Variants in NAALADL2 observed in about 807,000 individuals in gnomAD.
NAALADL2 encodes inactive N-acetylated-alpha-linked acidic dipeptidase-like protein 2.
In NAALADL2, 76 loss-of-function variants were observed where a neutral mutation model predicts 87.2. That is an observed-to-expected ratio of 0.87 (90% CI 0.72 to 1.05). The LOEUF (loss-of-function observed/expected upper bound fraction) is 1.05, where lower values mean the gene tolerates loss of function less well. NAALADL2 is among the 50% of genes least tolerant of loss of function. The pLI, the probability that NAALADL2 is intolerant of heterozygous loss-of-function variation, is 0.00. For missense variants in NAALADL2, 1,089 were observed against 945.8 expected (o/e 1.15, Z -1.99); for synonymous variants, 354 against 331.0 (o/e 1.07, Z -0.75).
intron 11 of NAALADL2, among the ~76,000 whole-genome samples, chr3:175,728,609 A>G (rs1032400327): frequency 6.6e-6 from 1 of 152,162 alleles, no homozygotes; most frequent in Non-Finnish European, 1.5e-5. Flanking sequence ...AATTTCTAGT[A>G]TAAAGTGACA....
chr3:174,582,065 C>T (rs1716222876), intron 2 of NAALADL2, among the ~76,000 whole-genome samples: 1 of 152,042 alleles, frequency 6.6e-6, no homozygotes, highest in Non-Finnish European at 1.5e-5. Context: ...GTAAGGCAAT[C>T]GAATCAGTAG....
chr3:175,067,400 AAAC>A (rs1364186170), intron 1 of NAALADL2, among the ~76,000 whole-genome samples: 4 of 152,138 alleles, frequency 2.6e-5, no homozygotes, highest in Non-Finnish European at 5.9e-5. Flanking sequence ...CTCAACAAGC[AAAC>A]AACAACAACA....
rs575214967 is a variant in NAALADL2 at position 175,282,357 on chromosome 3, A to G, written c.939+25827A>G. 8.5e-5 allele frequency among the ~76,000 whole-genome samples: 13 copies of G among 152,202 alleles called. 1 individual carries two copies. The South Asian group carries it at 1.2e-3, about 15-fold the overall frequency. ...TTCAATTCTTTGTCTGCTTTAAAGAACACTTAACAGACTACAGCTATATAG... is the reference window on the plus strand; with the variant it reads ...TTCAATTCTTTGTCTGCTTTAAAGAGCACTTAACAGACTACAGCTATATAG... On this transcript the variant is annotated intron_variant, in intron 4 of 13. Transcript: ENST00000454872.
chr3:175,646,652 T>G (rs1730049339), intron 11 of NAALADL2, among the ~76,000 whole-genome samples: 1 of 152,178 alleles, frequency 6.6e-6, no homozygotes, highest in South Asian at 2.1e-4. Flanking sequence ...ATGGTTACAG[T>G]AATATTAAGC....
intron 4 of NAALADL2, among the ~76,000 whole-genome samples, chr3:175,314,696 A>T (rs868315906): frequency 2.3e-5 from 2 of 87,848 alleles, no homozygotes; most frequent in African/African-American, 9.3e-5. Flanking sequence ...ATATATATAT[A>T]TATATATATA....
chr3:174,748,454 C>A (rs1349816633), intron 3 of NAALADL2, among the ~76,000 whole-genome samples: 1 of 151,792 alleles, frequency 6.6e-6, no homozygotes, highest in Non-Finnish European at 1.5e-5. Context: ...TTATTTTTAG[C>A]CTTGACCCCT....
chr3:175,143,133 A>G (rs979941172), intron 2 of NAALADL2, among the ~76,000 whole-genome samples: 3 of 151,908 alleles, frequency 2.0e-5, no homozygotes, highest in Non-Finnish European at 4.4e-5. Flanking sequence ...ACAAATCGTA[A>G]TACTTGCCAT....
intron 2 of NAALADL2, among the ~76,000 whole-genome samples, chr3:174,678,935 T>A (rs1340953945): frequency 6.6e-6 from 1 of 152,174 alleles, no homozygotes; most frequent in Non-Finnish European, 1.5e-5. Flanking sequence ...TTTATCTACT[T>A]TTCTCCTTGG....
chr3:175,542,936 A>G (rs1712632841), intron 9 of NAALADL2, among the ~76,000 whole-genome samples: 1 of 152,204 alleles, frequency 6.6e-6, no homozygotes, highest in South Asian at 2.1e-4. Flanking sequence ...GTAAATTCCT[A>G]TTAAAATTTT....
chr3:174,653,039 A>G (rs1018829583), intron 2 of NAALADL2, among the ~76,000 whole-genome samples: 2 of 152,234 alleles, frequency 1.3e-5, no homozygotes, highest in African/African-American at 4.8e-5. Context: ...TAATGATTAC[A>G]TAAAAAAGAC....
At chr3:175,574,867 A>G (rs114604676) in intron 9 of NAALADL2, among the ~76,000 whole-genome samples, 3,913 of 152,242 alleles carry the variant, frequency 0.026, 115 homozygotes, top group Admixed American at 0.064. Context: ...TTGAGTACAT[A>G]CTTTATGCGC....
At chr3:175,294,933 T>G (rs761467259) in intron 4 of NAALADL2, among the ~76,000 whole-genome samples, 10 of 152,206 alleles carry the variant, frequency 6.6e-5, no homozygotes, top group Non-Finnish European at 1.3e-4. Flanking sequence ...GCATGATTGC[T>G]TCTTAATAGC....
At position 174,647,915 on chromosome 3, in the gene NAALADL2, G is replaced by A. The variant is rs187269990; in HGVS notation, c.-114-89726G>A. Among the ~76,000 whole-genome samples, 11 of 152,186 alleles carry A rather than the reference G, an allele frequency of 7.2e-5. No individual in the cohort carries two copies. In the East Asian group the frequency reaches 1.9e-3, roughly 27 times the overall value. On this transcript the variant is annotated intron_variant, in intron 2 of 3. Transcript: ENST00000434257. ...TTCTAGAAGGCAGTACAAAAGGAAG[G>A]GTTGGAAGCAAAATAAAAAAACTTT...
chr3:175,144,450 T>G (rs750605614), intron 2 of NAALADL2, among the ~76,000 whole-genome samples: 8 of 152,018 alleles, frequency 5.3e-5, no homozygotes, highest in Non-Finnish European at 8.8e-5. Context: ...AGTTTTGTGT[T>G]TATTTTTTCT....
At chr3:174,762,935 CATA>C (rs1713234162) in intron 3 of NAALADL2, among the ~76,000 whole-genome samples, 1 of 152,000 alleles carries the variant, frequency 6.6e-6, no homozygotes, top group Non-Finnish European at 1.5e-5. Context: ...TAATTTACAA[CATA>C]ATATGTATCA....
chr3:174,767,801 A>G (rs1202817059), intron 3 of NAALADL2, among the ~76,000 whole-genome samples: 1 of 152,174 alleles, frequency 6.6e-6, no homozygotes, highest in Non-Finnish European at 1.5e-5. Context: ...ATATGTTTAT[A>G]TGTTTGTTTT....
chr3:175,266,902 G>A (rs571905178), intron 4 of NAALADL2, among the ~76,000 whole-genome samples: 28 of 151,794 alleles, frequency 1.8e-4, no homozygotes, highest in African/African-American at 6.8e-4. Flanking sequence ...ATCCAATATT[G>A]TATTCCTGTT....
intron 6 of NAALADL2, among the ~76,000 whole-genome samples, chr3:175,457,093 A>AT (rs1461434998): frequency 1.3e-5 from 2 of 151,772 alleles, no homozygotes; most frequent in African/African-American, 4.8e-5. Context: ...CCAGGGAACA[A>AT]TTTTTTCCCC....
intron 2 of NAALADL2, among the ~76,000 whole-genome samples, chr3:175,118,066 G>A (rs539561230): frequency 1.3e-5 from 2 of 151,984 alleles, no homozygotes; most frequent in East Asian, 3.9e-4. Context: ...ACTGAACAAT[G>A]AGAACACTTG....
Sources: gnomAD v4.1 joint callset for allele counts (sites outside exome capture counted in the v4.1 genomes callset) on GRCh38, gnomAD v4.1.1 for gene constraint, MANE v1.5 for transcripts, NCBI Gene and HGNC (gene_info 2026-07-23, HGNC 2026-07-21) for gene names.